The following KCNJ6 variants were observed in gnomAD, a reference collection of about 807,000 sequenced individuals.
The protein encoded by KCNJ6 is G protein-activated inward rectifier potassium channel 2.
Under a neutral mutation model 34.2 loss-of-function variants are expected in KCNJ6, and 9 were observed. The observed-to-expected ratio is 0.26, with a 90% CI of 0.16 to 0.46. KCNJ6 has a LOEUF of 0.46. Among genes scored for constraint, KCNJ6 ranks in the 20% least tolerant of loss-of-function variants. KCNJ6 has a pLI of 1.00. For missense variants in KCNJ6, 236 were observed against 531.3 expected, an observed-to-expected ratio of 0.44 and a Z score of 5.46; for synonymous variants, 196 against 207.1, an observed-to-expected ratio of 0.95 and a Z score of 0.46.
chr21:37,744,405 G>T (rs1336480859), intron 2 of KCNJ6, among the ~76,000 whole-genome samples: 3 of 152,118 alleles, frequency 2.0e-5, no homozygotes, highest in Admixed American at 6.5e-5. Context: ...ACATGATTTG[G>T]AATGCCCTGG....
intron 2 of KCNJ6, among the ~76,000 whole-genome samples, chr21:37,829,854 C>T (rs185521251): frequency 1.2e-4 from 18 of 152,244 alleles, no homozygotes; most frequent in Admixed American, 5.9e-4. Flanking sequence ...GCCCCAGAGC[C>T]GGGCTTTCCA....
At position 37,615,270 on chromosome 21, in the gene KCNJ6, T is replaced by G. The variant is rs954416453; in HGVS notation, c.*9889A>C. ...TTTTTTTTTTTTTTTTTTTTTTTTT[T>G]GAGACGGAGTCTCGCTCTGTCGCCC... On this transcript the variant is annotated 3_prime_UTR_variant, in exon 4 of 4. Transcript: ENST00000609713. 5.1e-5 allele frequency: 5 copies of G among 98,812 alleles called. No homozygotes were observed. Among genetic ancestry groups the G allele is most frequent in the Non-Finnish European group, 8.1e-5 (4 of 49,488 alleles). The allele number at this position is 98,812 out of a possible 1,614,324, so 6.1% of individuals were successfully genotyped here. A position where few individuals can be genotyped will look rare whatever the true frequency, so the allele number is the denominator to read the frequency against.
intron 3 of KCNJ6, among the ~76,000 whole-genome samples, chr21:37,632,715 A>T (rs2054339392): frequency 6.6e-6 from 1 of 152,180 alleles, no homozygotes; most frequent in African/African-American, 2.4e-5. Flanking sequence ...AAAACACAAA[A>T]GGAGATTATA....
intron 1 of KCNJ6, among the ~76,000 whole-genome samples, chr21:37,889,947 T>C (rs2055754220): frequency 6.6e-6 from 1 of 152,246 alleles, no homozygotes; most frequent in East Asian, 1.9e-4. Flanking sequence ...GTATGTCTTT[T>C]TGAGGGACAC....
At chr21:37,761,002 C>A (rs2055058388) in intron 2 of KCNJ6, among the ~76,000 whole-genome samples, 1 of 152,172 alleles carries the variant, frequency 6.6e-6, no homozygotes, top group African/African-American at 2.4e-5. Context: ...AAGAAAGATG[C>A]ACTTTGTGGG....
Position 37,819,437 on chromosome 21 carries a change from A to G in KCNJ6, c.25+21221T>C, listed in dbSNP as rs16995527. Among the ~76,000 whole-genome samples, 1,324 of 152,300 alleles carry G rather than the reference A, an allele frequency of 8.7e-3. 11 individuals are homozygous for G. Among genetic ancestry groups the G allele is most frequent in the African/African-American group, 0.025 (1,035 of 41,546 alleles). ...TAGAATGATTATAGCAAGGGAATACAATTTGAGAATGCTTGGAGATTGAAA... is the reference window on the plus strand; with the variant it reads ...TAGAATGATTATAGCAAGGGAATACGATTTGAGAATGCTTGGAGATTGAAA... On this transcript the variant is annotated intron_variant, in intron 2 of 3. Coordinates refer to ENST00000609713, the MANE Select transcript of KCNJ6 (RefSeq NM_002240.5).
intron 2 of KCNJ6, among the ~76,000 whole-genome samples, chr21:37,811,037 C>T (rs1039985899): frequency 7.9e-5 from 12 of 152,138 alleles, no homozygotes; most frequent in Non-Finnish European, 1.2e-4. Flanking sequence ...CCCATCCATC[C>T]TCCGGGAAGA....
At chr21:37,667,429 A>G (rs1320716896) in intron 3 of KCNJ6, among the ~76,000 whole-genome samples, 1 of 152,082 alleles carries the variant, frequency 6.6e-6, no homozygotes, top group Non-Finnish European at 1.5e-5. Flanking sequence ...CAGTCCAAAT[A>G]ATTCCAGGAC....
At chr21:37,731,220 T>C (rs1187639917) in intron 2 of KCNJ6, among the ~76,000 whole-genome samples, 1 of 152,010 alleles carries the variant, frequency 6.6e-6, no homozygotes, top group Non-Finnish European at 1.5e-5. Flanking sequence ...ATTACCCCAG[T>C]GGAGCAGAAG....
At chr21:37,728,600 G>A (rs2054867511) in intron 2 of KCNJ6, among the ~76,000 whole-genome samples, 1 of 152,070 alleles carries the variant, frequency 6.6e-6, no homozygotes, top group African/African-American at 2.4e-5. Context: ...ACTGAAAAAT[G>A]GTGGGATTTT....
At chr21:37,862,936 CAG>C in intron 1 of KCNJ6, among the ~76,000 whole-genome samples, 1 of 152,214 alleles carries the variant, frequency 6.6e-6, no homozygotes, top group East Asian at 1.9e-4. Flanking sequence ...AAAGGTAGGA[CAG>C]AGACTCTTAA....
chr21:37,720,359 C>T (rs1055641081), intron 2 of KCNJ6, among the ~76,000 whole-genome samples: 2 of 152,154 alleles, frequency 1.3e-5, no homozygotes, highest in African/African-American at 4.8e-5. Flanking sequence ...CCAAGAAAAT[C>T]GTAACTAAAC....
chr21:37,718,740 C>T (rs1476624777), intron 2 of KCNJ6, among the ~76,000 whole-genome samples: 2 of 152,206 alleles, frequency 1.3e-5, no homozygotes, highest in African/African-American at 4.8e-5. Flanking sequence ...GGGTGCAGCA[C>T]ACCAACATGG....
chr21:37,867,808 C>T (rs1358597192), intron 1 of KCNJ6, among the ~76,000 whole-genome samples: 2 of 152,154 alleles, frequency 1.3e-5, no homozygotes, highest in East Asian at 3.9e-4. Context: ...GAGGGAAAAG[C>T]CAGGGGGCAG....
intron 1 of KCNJ6, among the ~76,000 whole-genome samples, chr21:37,861,727 G>A (rs142636621): frequency 1.3e-5 from 2 of 152,270 alleles, no homozygotes; most frequent in Admixed American, 6.5e-5. Context: ...AGTGACTACT[G>A]GGTGCCAAGC....
chr21:37,912,897 A>C (rs575444173), intron 1 of KCNJ6, among the ~76,000 whole-genome samples: 1 of 152,378 alleles, frequency 6.6e-6, no homozygotes, highest in African/African-American at 2.4e-5. Flanking sequence ...CTTGTTTACC[A>C]TTAAAAATAA....
chr21:37,724,699 G>C (rs2054844884), intron 2 of KCNJ6, among the ~76,000 whole-genome samples: 1 of 152,184 alleles, frequency 6.6e-6, no homozygotes, highest in African/African-American at 2.4e-5. Flanking sequence ...CAGACATTCA[G>C]GTGAGTTCTC....
chr21:37,886,534 A>G (rs1400833141), intron 1 of KCNJ6, among the ~76,000 whole-genome samples: 1 of 152,232 alleles, frequency 6.6e-6, no homozygotes, highest in Non-Finnish European at 1.5e-5. Flanking sequence ...TCAAAAGGTA[A>G]CATGATTAAT....
At chr21:37,786,598 G>A (rs2055193839) in intron 2 of KCNJ6, among the ~76,000 whole-genome samples, 1 of 152,180 alleles carries the variant, frequency 6.6e-6, no homozygotes, top group Admixed American at 6.5e-5. Flanking sequence ...AAGACTATAT[G>A]CAACAAATGG....
Sources: allele counts gnomAD v4.1 joint callset (sites outside exome capture counted in the v4.1 genomes callset), GRCh38; gene constraint gnomAD v4.1.1; transcripts MANE v1.5; gene names NCBI Gene and HGNC (gene_info 2026-07-23, HGNC 2026-07-21).